Variants in PARP15 observed in about 807,000 individuals in gnomAD.
The protein encoded by PARP15 is protein mono-ADP-ribosyltransferase PARP15.
Under a neutral mutation model 62.1 loss-of-function variants are expected in PARP15, and 50 were observed. The observed-to-expected ratio is 0.81, with a 90% CI of 0.64 to 1.02. The LOEUF (loss-of-function observed/expected upper bound fraction) is 1.02. Among genes scored for constraint, PARP15 ranks in the 50% least tolerant of loss-of-function variants. The probability of loss-of-function intolerance (pLI) is 0.00; values close to 1 mark genes in which losing one functional copy is unlikely to be tolerated. For synonymous variants in PARP15, 309 were observed against 293.1 expected, an observed-to-expected ratio of 1.05 and a Z score of -0.55; for missense variants, 820 against 826.5, an observed-to-expected ratio of 0.99 and a Z score of 0.10.
At chr3:122,609,267 T>A (rs1025934876) in intron 2 of PARP15, among the ~76,000 whole-genome samples, 1 of 152,188 alleles carries the variant, frequency 6.6e-6, no homozygotes, top group African/African-American at 2.4e-5. Context: ...ATATAATACC[T>A]CATATGCTAA....
intron 1 of PARP15, among the ~76,000 whole-genome samples, chr3:122,596,220 G>A (rs1434350143): frequency 6.6e-6 from 1 of 151,964 alleles, no homozygotes; most frequent in East Asian, 1.9e-4. Flanking sequence ...GCTGGCCGTA[G>A]TGGCATGTGC....
chr3:122,607,213 C>T (rs1935214995), intron 2 of PARP15, among the ~76,000 whole-genome samples: 1 of 152,166 alleles, frequency 6.6e-6, no homozygotes, highest in Non-Finnish European at 1.5e-5. Context: ...GTGAGCTCTG[C>T]AACCGAGTAT....
rs1238820002 is a variant in PARP15 at position 122,636,968 on chromosome 3, A to G, written c.*868A>G. 6.6e-6 allele frequency: 1 copy of G among 152,216 alleles called. No homozygotes were observed. Among genetic ancestry groups the G allele is most frequent in the African/African-American group, 2.4e-5 (1 of 41,448 alleles). The allele number at this position is 152,216 out of a possible 1,614,324, so 9.4% of individuals were successfully genotyped here. A position where few individuals can be genotyped will look rare whatever the true frequency, so the allele number is the denominator to read the frequency against. On this transcript the variant is annotated 3_prime_UTR_variant, in exon 12 of 12. Transcript: ENST00000464300. ...ACAACAGTTGGCTTACTCCAGAGTGAGCAACTCAAGAGAGAGCAAGGCAGA... is the reference window on the plus strand; with the variant it reads ...ACAACAGTTGGCTTACTCCAGAGTGGGCAACTCAAGAGAGAGCAAGGCAGA...
At chr3:122,615,170 G>A (rs1213350873) in intron 4 of PARP15, 4 of 1,212,918 alleles carry the variant, frequency 3.3e-6, no homozygotes, top group Middle Eastern at 2.6e-4. Flanking sequence ...CTACTCTGTC[G>A]CCCATTGCTC....
At chr3:122,587,457 T>C (rs1933535569) in intron 1 of PARP15, among the ~76,000 whole-genome samples, 1 of 152,206 alleles carries the variant, frequency 6.6e-6, no homozygotes, top group Non-Finnish European at 1.5e-5. Flanking sequence ...TGCCAGCATT[T>C]GGTGTTGCCA....
intron 11 of PARP15, among the ~76,000 whole-genome samples, chr3:122,635,402 G>GT (rs781109334): frequency 7.1e-4 from 104 of 146,858 alleles, no homozygotes; most frequent in East Asian, 1.2e-3. Flanking sequence ...TTAACGTGCA[G>GT]TTTTTTTTTT....
rs745914635 is a variant in PARP15, at chr3:122,621,599, GC to G, written c.1221del (p.Ile408LeufsTer17). ...QRKYTSVSLP[A>X]IGTGNAGKNP... ...GAAGTACACATCGGTTTCCCTTCCA[GC>G]CATTGGAACAGGTTTGCAGCTTATC... is the stretch of plus-strand genomic sequence containing the variant. On this transcript the variant is annotated frameshift_variant, in exon 8 of 12. Coordinates refer to ENST00000464300, the MANE Select transcript of PARP15 (RefSeq NM_001113523.3). LOFTEE classifies it high-confidence loss of function. The G allele has an allele frequency of 3.8e-6, 6 of 1,594,786 alleles. No homozygotes were observed. Among genetic ancestry groups the G allele is most frequent in the Middle Eastern group, 1.7e-4 (1 of 5,998 alleles).
At chr3:122,625,553 A>T (rs971818753) in intron 8 of PARP15, among the ~76,000 whole-genome samples, 2 of 152,032 alleles carry the variant, frequency 1.3e-5, no homozygotes, top group Non-Finnish European at 2.9e-5. Flanking sequence ...TAGCCTGGAG[A>T]TAGGGTCTTT....
chr3:122,625,753 G>A (rs751706409), intron 8 of PARP15, among the ~76,000 whole-genome samples: 67 of 152,310 alleles, frequency 4.4e-4, no homozygotes, highest in Admixed American at 7.8e-4. Context: ...TAGCCTCCAA[G>A]ATTATGAGAA....
chr3:122,587,652 C>T (rs772819781), intron 1 of PARP15, among the ~76,000 whole-genome samples: 1 of 152,126 alleles, frequency 6.6e-6, no homozygotes, highest in Non-Finnish European at 1.5e-5. Context: ...CCTCAGCCTC[C>T]CTGGTAGCTG....
chr3:122,620,838 C>T (rs1936294931), intron 7 of PARP15, among the ~76,000 whole-genome samples: 1 of 151,874 alleles, frequency 6.6e-6, no homozygotes, highest in Non-Finnish European at 1.5e-5. Flanking sequence ...CTCCCTTTTG[C>T]TGGCCCCAGC....
At chr3:122,590,552 G>A (rs1485324209) in intron 1 of PARP15, among the ~76,000 whole-genome samples, 1 of 152,218 alleles carries the variant, frequency 6.6e-6, no homozygotes, top group African/African-American at 2.4e-5. Context: ...GGGATTACAG[G>A]CGTGAGCCAC....
In PARP15 at chr3:122,636,149, C is replaced by T; in HGVS notation, c.*49C>T. 2 of 1,533,084 alleles carry T rather than the reference C, an allele frequency of 1.3e-6. No homozygotes were observed. Among genetic ancestry groups the T allele is most frequent in the East Asian group, 4.5e-5 (2 of 44,218 alleles). The allele number at this position is 1,533,084 out of a possible 1,614,324, so 95.0% of individuals were successfully genotyped here. A position where few individuals can be genotyped will look rare whatever the true frequency, so the allele number is the denominator to read the frequency against. ...TGATTTAAGTCATCTGTAAGAACAA[C>T]ATGCAATCTTTGTCTTTGCTTCTGG... On this transcript the variant is annotated 3_prime_UTR_variant, in exon 12 of 12. Transcript: ENST00000464300.
At chr3:122,627,652 AT>A (rs1200497371) in intron 9 of PARP15, among the ~76,000 whole-genome samples, 1 of 152,184 alleles carries the variant, frequency 6.6e-6, no homozygotes, top group Admixed American at 6.5e-5. Flanking sequence ...TGCAATCACT[AT>A]TTTCAGCCAT....
chr3:122,607,745 G>A (rs1281115977), intron 2 of PARP15, among the ~76,000 whole-genome samples: 1 of 152,174 alleles, frequency 6.6e-6, no homozygotes, highest in Non-Finnish European at 1.5e-5. Context: ...ATTGGATGGT[G>A]CTGTGTAAAC....
intron 2 of PARP15, among the ~76,000 whole-genome samples, chr3:122,609,997 T>A (rs980500604): frequency 1.3e-5 from 2 of 152,204 alleles, no homozygotes; most frequent in African/African-American, 2.4e-5. Context: ...ATACCCTCCT[T>A]CACATTGACC....
rs775436215 is a variant in PARP15, at chr3:122,632,124, C to T, written c.1477C>T (p.Leu493=). 6.2e-7 allele frequency: 1 copy of T among 1,613,914 alleles called. No homozygotes were observed. The highest frequency in any genetic ancestry group is 8.5e-7 in the Non-Finnish European group (1 of 1,179,960). Residue 493 remains leucine, a synonymous_variant, in exon 10 of 12, where the codon CTG becomes TTG. Coordinates refer to ENST00000464300, the MANE Select transcript of PARP15 (RefSeq NM_001113523.3). ...PEHWTDMNHQ[L]FCMVQLEPGQ... ...ACACTGGACTGACATGAATCATCAG[C>T]TGTTTTGCATGGTCCAGCTAGAGCC...
intron 4 of PARP15, 111 bp downstream of exon 4, chr3:122,613,379 A>T: frequency 1.1e-6 from 1 of 885,636 alleles, no homozygotes; most frequent in East Asian, 2.6e-5. Flanking sequence ...CCTATAAGTG[A>T]TGGTTGCTAA....
chr3:122,621,294 G>A (rs1348051854), intron 7 of PARP15, 150 bp from the exon 8 acceptor site: 4 of 732,196 alleles, frequency 5.5e-6, no homozygotes, highest in Middle Eastern at 3.7e-4. Flanking sequence ...AAATGTGGTT[G>A]TCACAGTCCA....
Sources: gnomAD v4.1 joint callset for allele counts (sites outside exome capture counted in the v4.1 genomes callset) on GRCh38, gnomAD v4.1.1 for gene constraint, MANE v1.5 for transcripts, NCBI Gene and HGNC (gene_info 2026-07-23, HGNC 2026-07-21) for gene names.